The following SEZ6L2 variants were observed in gnomAD, a reference collection of about 807,000 sequenced individuals.
SEZ6L2 encodes seizure 6-like protein 2.
In SEZ6L2, 44 loss-of-function variants were observed where a neutral mutation model predicts 97.0. The observed-to-expected ratio is 0.45, with a 90% CI of 0.36 to 0.58. SEZ6L2 has a LOEUF of 0.58. SEZ6L2 is among the 20% of genes least tolerant of loss of function. The pLI is 0.00. For missense variants in SEZ6L2, 1,086 were observed against 1,233.3 expected (o/e 0.88, Z 1.79); for synonymous variants, 543 against 546.1 (o/e 0.99, Z 0.08).
Position 29,888,479 on chromosome 16 carries a change from T to C in SEZ6L2, c.1039+61A>G, listed in dbSNP as rs566686650. 11 of 1,550,736 alleles carry C rather than the reference T, an allele frequency of 7.1e-6. No individual in the cohort carries two copies. In the African/African-American group the frequency reaches 1.1e-4, roughly 15 times the overall value. The stretch of plus-strand genomic sequence containing the variant: ...GGTGGACACCTGGACACCCCCGAGA[T>C]AGGACCCTCCCAATGGGGTTCCCAG... On this transcript the variant is annotated intron_variant, in intron 6 of 17. Transcript: ENST00000617533.
chr16:29,888,507 C>A lies in SEZ6L2; in HGVS notation c.1039+33G>T, dbSNP rs538278495. On this transcript the variant is annotated intron_variant, in intron 6 of 17. Coordinates refer to ENST00000617533, the MANE Select transcript of SEZ6L2 (RefSeq NM_001243332.2). The stretch of plus-strand genomic sequence containing the variant: ...GACCCTCCCAATGGGGTTCCCAGAA[C>A]AGATGCCCCACCCACTGTGGCAGGA... 3.7e-6 allele frequency: 6 copies of A among 1,604,932 alleles called. No individual in the cohort carries two copies. In the South Asian group the frequency reaches 5.6e-5, roughly 15 times the overall value.
At chr16:29,893,630 AAAGT>A (rs2150812566) in intron 5 of SEZ6L2, among the ~76,000 whole-genome samples, 1 of 151,410 alleles carries the variant, frequency 6.6e-6, no homozygotes, top group South Asian at 2.1e-4. Flanking sequence ...CCTGGGCAAC[AAAGT>A]GAGACTCTGT....
chr16:29,896,375 G>A (rs1002665059), intron 3 of SEZ6L2, among the ~76,000 whole-genome samples: 1 of 152,144 alleles, frequency 6.6e-6, no homozygotes, highest in Non-Finnish European at 1.5e-5. Flanking sequence ...CACCTCCCGG[G>A]TTCAAGCAAT....
intron 5 of SEZ6L2, among the ~76,000 whole-genome samples, chr16:29,891,378 A>G (rs2068269050): frequency 6.6e-6 from 1 of 151,864 alleles, no homozygotes; most frequent in African/African-American, 2.4e-5. Flanking sequence ...CACTGTCTAC[A>G]CTGGCCCAAG....
At chr16:29,882,942 T>G (rs946523125) in intron 8 of SEZ6L2, among the ~76,000 whole-genome samples, 1 of 152,188 alleles carries the variant, frequency 6.6e-6, no homozygotes, top group Non-Finnish European at 1.5e-5. Flanking sequence ...CCTACAACTC[T>G]GGAGTCAGGA....
chr16:29,886,737 G>A (rs1189896553), intron 7 of SEZ6L2, among the ~76,000 whole-genome samples: 1 of 151,482 alleles, frequency 6.6e-6, no homozygotes, highest in African/African-American at 2.4e-5. Flanking sequence ...TGTCCCAGGT[G>A]CCATTCTAAG....
intron 7 of SEZ6L2, chr16:29,885,960 G>A (rs2068131053): frequency 2.1e-6 from 1 of 469,098 alleles, no homozygotes; most frequent in Non-Finnish European, 3.7e-6. Flanking sequence ...TTATAGATGA[G>A]GATATTAGGG....
At position 29,899,051 on chromosome 16, in the gene SEZ6L2, C is replaced by T; in HGVS notation, c.-32G>A. 1 of 1,529,038 alleles carries T rather than the reference C, an allele frequency of 6.5e-7. No individual in the cohort carries two copies. Among genetic ancestry groups the T allele is most frequent in the African/African-American group, 1.4e-5 (1 of 73,096 alleles). 94.7% of individuals were successfully genotyped at this position (1,529,038 alleles called of 1,614,324 possible). A position where few individuals can be genotyped will look rare whatever the true frequency, so the allele number is the denominator to read the frequency against. ...TCACCCCGATCTCTCTCCTCTGTGC[C>T]TCTCTAAGTAATCTGGCTGCCACCT... is the stretch of plus-strand genomic sequence containing the variant. On this transcript the variant is annotated 5_prime_UTR_variant, in exon 1 of 18. Coordinates refer to ENST00000617533, the MANE Select transcript of SEZ6L2 (RefSeq NM_001243332.2).
intron 5 of SEZ6L2, among the ~76,000 whole-genome samples, chr16:29,890,295 TC>T (rs995715289): frequency 1.3e-5 from 2 of 151,930 alleles, no homozygotes; most frequent in Non-Finnish European, 2.9e-5. Context: ...TCACCTGAGG[TC>T]AGGAAAAAGA....
chr16:29,874,582 TTTTTTTG>T (rs1408236984), intron 12 of SEZ6L2, among the ~76,000 whole-genome samples: 6 of 119,856 alleles, frequency 5.0e-5, no homozygotes, highest in African/African-American at 1.7e-4. Context: ...TTTTTTTTTT[TTTTTTTG>T]AGATGGGAGT....
At chr16:29,891,642 A>G (rs1279599000) in intron 5 of SEZ6L2, among the ~76,000 whole-genome samples, 3 of 149,136 alleles carry the variant, frequency 2.0e-5, no homozygotes, top group Non-Finnish European at 4.5e-5. Context: ...CTCCGTCTCA[A>G]AAAAAAAAAA....
chr16:29,881,620 C>CTTTTTTTTTTTTTTTTTTTTTTTTTTTTT (rs59318540), intron 8 of SEZ6L2, among the ~76,000 whole-genome samples: 2 of 85,120 alleles, frequency 2.3e-5, no homozygotes, highest in Non-Finnish European at 4.2e-5. Flanking sequence ...ATGAGGAATT[C>CTTTTTTTTTTTTTTTTTTTTTTTTTTTTT]TTTTTTTTTT....
At chr16:29,894,915 C>T (rs2068347604) in intron 5 of SEZ6L2, among the ~76,000 whole-genome samples, 1 of 152,150 alleles carries the variant, frequency 6.6e-6, no homozygotes, top group Non-Finnish European at 1.5e-5. Flanking sequence ...CACAGTGGCT[C>T]TTGCCTGTAA....
intron 5 of SEZ6L2, among the ~76,000 whole-genome samples, chr16:29,890,166 C>T (rs1474142639): frequency 6.6e-6 from 1 of 152,090 alleles, no homozygotes; most frequent in Non-Finnish European, 1.5e-5. Context: ...ACTTCACTTT[C>T]ACTGGGGGAT....
chr16:29,874,521 A>AAC (rs986831312), intron 12 of SEZ6L2, among the ~76,000 whole-genome samples: 1 of 144,730 alleles, frequency 6.9e-6, no homozygotes, highest in African/African-American at 2.6e-5. Context: ...ATGTTTTACA[A>AAC]ACAAATATAA....
intron 5 of SEZ6L2, among the ~76,000 whole-genome samples, chr16:29,889,752 C>G (rs1389600825): frequency 6.7e-6 from 1 of 149,610 alleles, no homozygotes; most frequent in Non-Finnish European, 1.5e-5. Flanking sequence ...CCCAGCCTCC[C>G]AAGTAGCTGG....
intron 7 of SEZ6L2, 43 bp downstream of exon 7, chr16:29,887,606 C>T: frequency 6.6e-7 from 1 of 1,515,096 alleles, no homozygotes; most frequent in Non-Finnish European, 8.9e-7. Context: ...GCCACCATGC[C>T]CGGCCAAGGT....
At chr16:29,883,604 T>C (rs1426892790) in intron 8 of SEZ6L2, among the ~76,000 whole-genome samples, 2 of 152,048 alleles carry the variant, frequency 1.3e-5, no homozygotes, top group East Asian at 1.9e-4. Context: ...GAGACACGAG[T>C]CACCACAACT....
rs778830853 is a variant in SEZ6L2, at chr16:29,877,307, G to C, written c.1873C>G (p.Pro625Ala). Residue 625 changes from proline to alanine, a missense_variant, in exon 11 of 18, where the codon CCA becomes GCA. Physicochemically the swap from Pro to Ala is conservative, Grantham distance 27. This residue lies in a region of SEZ6L2 where 310 missense variants were observed against 438.6 expected (regional missense o/e 0.71). Coordinates refer to ENST00000617533, the MANE Select transcript of SEZ6L2 (RefSeq NM_001243332.2). ...QFQAPPGPPN[P>A]GLGQGFVLHF... ...AATACGAAGCCCTGGCCCAGGCCTGGATTTGGGGGCCCGGGCGGTGCCTGA... is the reference window on the plus strand; with the variant it reads ...AATACGAAGCCCTGGCCCAGGCCTGCATTTGGGGGCCCGGGCGGTGCCTGA... 7 of 1,610,360 alleles carry C rather than the reference G, an allele frequency of 4.3e-6. No individual in the cohort carries two copies. In the Admixed American group the frequency reaches 1.2e-4, roughly 27 times the overall value.
Sources: gnomAD v4.1 joint callset for allele counts (sites outside exome capture counted in the v4.1 genomes callset) on GRCh38, gnomAD v4.1.1 for gene constraint, gnomAD v4.1.1 regional missense constraint, MANE v1.5 for transcripts, NCBI Gene and HGNC (gene_info 2026-07-23, HGNC 2026-07-21) for gene names.